BNC2: variants seen among roughly 807,000 people sequenced by gnomAD.
BNC2 encodes the protein zinc finger protein basonuclin-2.
A neutral mutation model predicts 76.3 loss-of-function variants in BNC2; 20 were observed. The observed-to-expected ratio is 0.26, with a 90% CI of 0.18 to 0.38. The LOEUF (loss-of-function observed/expected upper bound fraction) is 0.38. Among genes scored for constraint, BNC2 ranks in the 10% least tolerant of loss-of-function variants. BNC2 has a pLI of 1.00. For missense variants in BNC2, 1,382 were observed against 1,399.8 expected (o/e 0.99, Z 0.20); for synonymous variants, 582 against 514.8 (o/e 1.13, Z -1.77).
intron 3 of BNC2, among the ~76,000 whole-genome samples, chr9:16,633,741 C>T (rs951187944): frequency 7.9e-5 from 12 of 152,010 alleles, no homozygotes; most frequent in Middle Eastern, 3.2e-3. Flanking sequence ...AAGTAAATAG[C>T]GGTTTGCAAA....
At chr9:16,805,073 A>C (rs546830089) in intron 1 of BNC2, among the ~76,000 whole-genome samples, 20 of 152,202 alleles carry the variant, frequency 1.3e-4, no homozygotes, top group African/African-American at 4.6e-4. Flanking sequence ...AAAGAAAAAA[A>C]AGTGGTGTGG....
intron 3 of BNC2, among the ~76,000 whole-genome samples, chr9:16,694,860 T>G (rs1051377434): frequency 6.6e-6 from 1 of 152,122 alleles, no homozygotes; most frequent in African/African-American, 2.4e-5. Context: ...AGTTGATTTC[T>G]AAGGGATACC....
At chr9:16,736,465 TATTATG>T (rs1297446024) in intron 2 of BNC2, among the ~76,000 whole-genome samples, 3 of 150,880 alleles carry the variant, frequency 2.0e-5, no homozygotes, top group Admixed American at 1.3e-4. Flanking sequence ...TATTGTTTAT[TATTATG>T]ATTATTTCTT....
chr9:16,493,245 C>T (rs1446992268), intron 5 of BNC2, among the ~76,000 whole-genome samples: 2 of 152,178 alleles, frequency 1.3e-5, no homozygotes, highest in African/African-American at 2.4e-5. Flanking sequence ...ATTTCCCAAC[C>T]AGTGCATCCT....
At chr9:16,475,225 A>G (rs1821903609) in intron 5 of BNC2, among the ~76,000 whole-genome samples, 1 of 152,214 alleles carries the variant, frequency 6.6e-6, no homozygotes, top group Admixed American at 6.5e-5. Flanking sequence ...TATATAATAG[A>G]TGATCTTACT....
At position 16,865,980 on chromosome 9, in the gene BNC2, A is replaced by G. The variant is rs559410828; in HGVS notation, c.3+4666T>C. On this transcript the variant is annotated intron_variant, in intron 1 of 6. Transcript: ENST00000380672. ...AAATAAAGACTTTTATTGGCTAGCA[A>G]CATAATGAGAGCTACTGTGCAAAAG... 3.3e-5 allele frequency among the ~76,000 whole-genome samples: 5 copies of G among 152,292 alleles called. No individual in the cohort carries two copies. In the South Asian group the frequency reaches 1.0e-3, roughly 32 times the overall value.
chr9:16,691,128 C>A (rs1249693306), intron 3 of BNC2, among the ~76,000 whole-genome samples: 2 of 152,156 alleles, frequency 1.3e-5, no homozygotes, highest in African/African-American at 2.4e-5. Flanking sequence ...CCCTGAGGAG[C>A]CTAATGGACC....
At chr9:16,690,710 GA>G (rs931572347) in intron 3 of BNC2, among the ~76,000 whole-genome samples, 3 of 152,148 alleles carry the variant, frequency 2.0e-5, no homozygotes, top group African/African-American at 7.2e-5. Flanking sequence ...GTGCCTGAAG[GA>G]GACACAGATC....
chr9:16,803,725 T>C (rs1335946231), intron 1 of BNC2, among the ~76,000 whole-genome samples: 1 of 152,206 alleles, frequency 6.6e-6, no homozygotes, highest in Non-Finnish European at 1.5e-5. Context: ...GGTAGTGTCA[T>C]TTGCAATATT....
chr9:16,841,147 G>A (rs1483177242), intron 1 of BNC2, among the ~76,000 whole-genome samples: 2 of 152,138 alleles, frequency 1.3e-5, no homozygotes, highest in Admixed American at 6.5e-5. Context: ...CAACACATAA[G>A]CAAATCTGAA....
chr9:16,441,659 CTCTTT>C (rs1821130756), intron 5 of BNC2, among the ~76,000 whole-genome samples: 1 of 152,136 alleles, frequency 6.6e-6, no homozygotes, highest in African/African-American at 2.4e-5. Flanking sequence ...AGTTGGATGG[CTCTTT>C]TCTTTTTTTA....
chr9:16,715,097 A>G (rs1357034057), intron 3 of BNC2, among the ~76,000 whole-genome samples: 1 of 152,206 alleles, frequency 6.6e-6, no homozygotes, highest in Non-Finnish European at 1.5e-5. Flanking sequence ...CCAAGAATCT[A>G]CCGCTTTAAG....
At chr9:16,449,645 A>G (rs1260586949) in intron 5 of BNC2, among the ~76,000 whole-genome samples, 1 of 152,190 alleles carries the variant, frequency 6.6e-6, no homozygotes, top group South Asian at 2.1e-4. Context: ...TCACTTAAAT[A>G]CTACTTCTGA....
At chr9:16,856,623 T>C (rs906173180) in intron 1 of BNC2, among the ~76,000 whole-genome samples, 1 of 152,178 alleles carries the variant, frequency 6.6e-6, no homozygotes, top group African/African-American at 2.4e-5. Flanking sequence ...GTGAAAAATA[T>C]GGCTCCAGAC....
chr9:16,436,492 G>A lies in BNC2; in HGVS notation c.1702C>T (p.Pro568Ser), dbSNP rs1478936341. The change falls in exon 6 of 7, where the codon CCA becomes TCA. Residue 568 changes from proline to serine, a missense_variant. By Grantham distance (74) the Pro-to-Ser change is moderately conservative. This residue lies in a region of BNC2 where 798 missense variants were observed against 775.5 expected (regional missense o/e 1.03). Transcript: ENST00000380672. The part of the protein sequence containing the change: ...LVFSGLKTVQ[P>S]VPPFYRSLLT... ...AAACTTCTATAAAATGGAGGAACTGGTTGTACAGTCTTTAGCCCAGAAAAT... is the reference window on the plus strand; with the variant it reads ...AAACTTCTATAAAATGGAGGAACTGATTGTACAGTCTTTAGCCCAGAAAAT... 2.5e-6 allele frequency: 4 copies of A among 1,613,984 alleles called. No individual in the cohort carries two copies. The highest frequency in any genetic ancestry group is 1.7e-5 in the Admixed American group (1 of 59,992).
At chr9:16,861,805 C>T (rs1037215523) in intron 1 of BNC2, among the ~76,000 whole-genome samples, 2 of 152,108 alleles carry the variant, frequency 1.3e-5, no homozygotes, top group Non-Finnish European at 2.9e-5. Flanking sequence ...CTGGCTAACA[C>T]AGTGAAACAA....
At chr9:16,527,826 C>T (rs535105693) in intron 5 of BNC2, among the ~76,000 whole-genome samples, 2 of 152,176 alleles carry the variant, frequency 1.3e-5, no homozygotes, top group Admixed American at 6.5e-5. Context: ...CCAAATGCAA[C>T]GCATCGCTAC....
At chr9:16,694,684 A>G (rs1302761191) in intron 3 of BNC2, among the ~76,000 whole-genome samples, 4 of 152,220 alleles carry the variant, frequency 2.6e-5, no homozygotes, top group African/African-American at 9.6e-5. Context: ...AACATAGGTA[A>G]TGTTAAAAGA....
chr9:16,546,929 A>G (rs1301032623), intron 5 of BNC2, among the ~76,000 whole-genome samples: 2 of 152,250 alleles, frequency 1.3e-5, no homozygotes, highest in Non-Finnish European at 2.9e-5. Context: ...CCAATATTTA[A>G]TACACCCTTT....
Sources: gnomAD v4.1 joint callset for allele counts (sites outside exome capture counted in the v4.1 genomes callset) on GRCh38, gnomAD v4.1.1 for gene constraint, gnomAD v4.1.1 regional missense constraint, MANE v1.5 for transcripts, NCBI Gene and HGNC (gene_info 2026-07-23, HGNC 2026-07-21) for gene names.